Variants in CDK8 observed in about 807,000 individuals in gnomAD.
CDK8 encodes the protein cyclin-dependent kinase 8.
Under a neutral mutation model 71.5 loss-of-function variants are expected in CDK8, and 29 were observed. The ratio of observed to expected loss-of-function variants is 0.41; its 90% CI spans 0.30 to 0.55. CDK8 has a LOEUF of 0.55. Ranked by LOEUF, CDK8 falls within the 20% of genes least tolerant of loss-of-function variation. The probability of loss-of-function intolerance (pLI) is 0.37; values close to 1 mark genes in which losing one functional copy is unlikely to be tolerated. For synonymous variants in CDK8, 161 were observed against 192.1 expected (o/e 0.84, Z 1.34); for missense variants, 288 against 572.6 (o/e 0.50, Z 5.07).
Position 26,254,917 on chromosome 13 carries a change from G to C in CDK8, c.128+148G>C. On this transcript the variant is annotated intron_variant, in intron 1 of 12. Transcript: ENST00000381527. The surrounding 1 kb of genome is among the most constrained non-coding windows in gnomAD (Gnocchi z 6.7). ...TGGCTCCGCCAGCCAGGTTTGGGGA[G>C]GAAGTGGTGTACGAGGGATCCAAAC... 8.5e-7 allele frequency: 1 copy of C among 1,172,684 alleles called. No individual in the cohort carries two copies. The highest frequency in any genetic ancestry group is 1.2e-6 in the Non-Finnish European group (1 of 840,474). The allele number at this position is 1,172,684 out of a possible 1,614,324, so 72.6% of individuals were successfully genotyped here. A position where few individuals can be genotyped will look rare whatever the true frequency, so the allele number is the denominator to read the frequency against.
chr13:26,394,309 T>C (rs964277913), intron 7 of CDK8, among the ~76,000 whole-genome samples: 2 of 152,222 alleles, frequency 1.3e-5, no homozygotes, highest in Non-Finnish European at 2.9e-5. Flanking sequence ...TAATTCTACA[T>C]TCCCTTGTAA....
intron 4 of CDK8, among the ~76,000 whole-genome samples, chr13:26,370,319 T>G (rs376123718): frequency 3.9e-5 from 6 of 152,350 alleles, no homozygotes; most frequent in African/African-American, 1.4e-4. Context: ...AAGTGCATTT[T>G]AAGAATGTGC....
intron 4 of CDK8, among the ~76,000 whole-genome samples, chr13:26,377,616 A>G (rs948955438): frequency 2.0e-4 from 31 of 152,134 alleles, no homozygotes; most frequent in African/African-American, 7.5e-4. Context: ...TAAGGTGTTC[A>G]GCAGTACTAG....
intron 1 of CDK8, among the ~76,000 whole-genome samples, chr13:26,325,710 G>A (rs1874985392): frequency 6.6e-6 from 1 of 152,122 alleles, no homozygotes; most frequent in Non-Finnish European, 1.5e-5. Flanking sequence ...AAGCAGGGCT[G>A]GGTTCTCTTG....
chr13:26,267,898 C>G (rs989411161), intron 1 of CDK8, among the ~76,000 whole-genome samples: 3 of 152,148 alleles, frequency 2.0e-5, no homozygotes, highest in African/African-American at 7.2e-5. Flanking sequence ...GAGAAGCTCC[C>G]TTTGCTAAAT....
rs948108351 is a variant in CDK8 at position 26,258,500 on chromosome 13, T to G, written c.128+3731T>G. On this transcript the variant is annotated intron_variant, in intron 1 of 12. Transcript: ENST00000381527. ...ACTTGTGTATCTAGAGGGGTGTGTGTGTGTGTGTGTGTGTAGGACTAAACT... is the reference window on the plus strand; with the variant it reads ...ACTTGTGTATCTAGAGGGGTGTGTGGGTGTGTGTGTGTGTAGGACTAAACT... Among the ~76,000 whole-genome samples the G allele has an allele frequency of 4.6e-5, 7 of 151,856 alleles. No homozygotes were observed. The East Asian group carries it at 1.2e-3, about 25-fold the overall frequency.
At chr13:26,309,183 A>G (rs1874174316) in intron 1 of CDK8, among the ~76,000 whole-genome samples, 1 of 148,644 alleles carries the variant, frequency 6.7e-6, no homozygotes. Flanking sequence ...TCTTTCACCC[A>G]GGCTGGAGTG....
chr13:26,305,527 T>G (rs1874007330), intron 1 of CDK8, among the ~76,000 whole-genome samples: 1 of 152,192 alleles, frequency 6.6e-6, no homozygotes, highest in Non-Finnish European at 1.5e-5. Flanking sequence ...CTTTAAATAT[T>G]GCTTATACCC....
At chr13:26,340,505 T>A (rs956541009) in intron 2 of CDK8, among the ~76,000 whole-genome samples, 13 of 152,190 alleles carry the variant, frequency 8.5e-5, no homozygotes, top group African/African-American at 1.7e-4. Flanking sequence ...GGGTTTTTTT[T>A]AATATTCTTT....
chr13:26,380,903 T>G (rs1442486043), intron 4 of CDK8, among the ~76,000 whole-genome samples: 1 of 152,234 alleles, frequency 6.6e-6, no homozygotes, highest in Non-Finnish European at 1.5e-5. Context: ...AGGAACTTTT[T>G]TTTAACCTAG....
chr13:26,389,602 G>C (rs1017916745), intron 6 of CDK8, among the ~76,000 whole-genome samples: 2 of 152,128 alleles, frequency 1.3e-5, no homozygotes, highest in African/African-American at 4.8e-5. Context: ...ACCGTCGTCT[G>C]GTGTACACCT....
intron 1 of CDK8, among the ~76,000 whole-genome samples, chr13:26,320,237 A>G (rs995166800): frequency 3.3e-5 from 5 of 151,762 alleles, no homozygotes; most frequent in African/African-American, 1.2e-4. Flanking sequence ...TTGTCTCTAC[A>G]AAAAAATTTA....
In CDK8 at chr13:26,334,875, G is replaced by A. The variant is rs374801555; in HGVS notation, c.129-2692G>A. 1.1e-3 allele frequency among the ~76,000 whole-genome samples: 171 copies of A among 152,098 alleles called. 1 individual carries two copies. The highest frequency in any genetic ancestry group is 3.9e-3 in the African/African-American group (163 of 41,484). ...GAAAAAAAATGAACATATCAAAATCGGAACTCCCCCAGCTTTTTGCCTCTG... is the reference window on the plus strand; with the variant it reads ...GAAAAAAAATGAACATATCAAAATCAGAACTCCCCCAGCTTTTTGCCTCTG... On this transcript the variant is annotated intron_variant, in intron 1 of 12. Transcript: ENST00000381527.
chr13:26,388,726 T>A (rs1034379377), intron 6 of CDK8, among the ~76,000 whole-genome samples: 2 of 152,224 alleles, frequency 1.3e-5, no homozygotes, highest in Non-Finnish European at 2.9e-5. Flanking sequence ...TAGGATATTC[T>A]ACAGTCTAGC....
intron 1 of CDK8, among the ~76,000 whole-genome samples, chr13:26,296,304 A>C (rs778852397): frequency 1.1e-4 from 17 of 152,176 alleles, no homozygotes; most frequent in Non-Finnish European, 1.9e-4. Context: ...ACTACCACCT[A>C]TCTGGTTTCA....
At chr13:26,394,127 A>C (rs1433754337) in intron 7 of CDK8, among the ~76,000 whole-genome samples, 1 of 152,138 alleles carries the variant, frequency 6.6e-6, no homozygotes, top group Non-Finnish European at 1.5e-5. Flanking sequence ...ATCCCTAGTT[A>C]TATTACAGAA....
intron 3 of CDK8, among the ~76,000 whole-genome samples, chr13:26,351,024 T>A (rs1873660072): frequency 6.6e-6 from 1 of 152,222 alleles, no homozygotes; most frequent in South Asian, 2.1e-4. Context: ...TATAATAGGA[T>A]AGCCAAAGTA....
At chr13:26,357,983 G>C (rs780569925) in intron 4 of CDK8, among the ~76,000 whole-genome samples, 25 of 152,130 alleles carry the variant, frequency 1.6e-4, no homozygotes, top group Non-Finnish European at 1.2e-4. Flanking sequence ...TGGGCACTAT[G>C]GTCCAGCCAA....
chr13:26,312,906 CAT>C (rs1251531854), intron 1 of CDK8, among the ~76,000 whole-genome samples: 1 of 152,200 alleles, frequency 6.6e-6, no homozygotes, highest in Non-Finnish European at 1.5e-5. Context: ...AGATGTCACT[CAT>C]GTACAGTGGA....
Sources: gnomAD v4.1 joint callset for allele counts (sites outside exome capture counted in the v4.1 genomes callset) on GRCh38, gnomAD v4.1.1 for gene constraint, Gnocchi (gnomAD v3.1) non-coding constraint, MANE v1.5 for transcripts, NCBI Gene and HGNC (gene_info 2026-07-23, HGNC 2026-07-21) for gene names.